COL25A1: variants seen among roughly 807,000 people sequenced by gnomAD.
COL25A1 encodes the protein collagen type XXV alpha 1 chain.
COL25A1 carries 103 observed loss-of-function variants against 128.4 expected under a neutral mutation model. That is an observed-to-expected ratio of 0.80 (90% confidence interval 0.68 to 0.94). The LOEUF is 0.94. COL25A1 is among the 40% of genes least tolerant of loss of function. The pLI, the probability that COL25A1 is intolerant of heterozygous loss-of-function variation, is 0.00. For synonymous variants in COL25A1, 279 were observed against 277.2 expected (o/e 1.01, Z -0.06); for missense variants, 745 against 840.0 (o/e 0.89, Z 1.40).
intron 3 of COL25A1, among the ~76,000 whole-genome samples, chr4:109,192,535 C>A (rs1417877411): frequency 1.3e-5 from 2 of 152,082 alleles, no homozygotes; most frequent in Admixed American, 6.5e-5. Flanking sequence ...GGGCTTTAAT[C>A]CAACTGGAGT....
At chr4:109,218,357 G>GTTTTTTTTTTGTTTGGTTTT (rs1553961829) in intron 3 of COL25A1, among the ~76,000 whole-genome samples, 3 of 73,530 alleles carry the variant, frequency 4.1e-5, no homozygotes. Context: ...GTTTTTTGGG[G>GTTTTTTTTTTGTTTGGTTTT]TTTTTTTTTT....
chr4:108,849,944 G>C (rs1163750479), intron 26 of COL25A1, among the ~76,000 whole-genome samples: 1 of 152,112 alleles, frequency 6.6e-6, no homozygotes, highest in Non-Finnish European at 1.5e-5. Context: ...CAAGAAAAGC[G>C]GCGGGGGAAG....
chr4:108,981,703 C>T (rs1011887798), intron 6 of COL25A1, among the ~76,000 whole-genome samples: 1 of 152,114 alleles, frequency 6.6e-6, no homozygotes, highest in Non-Finnish European at 1.5e-5. Context: ...TAATTAATCT[C>T]CTTGTTCCGC....
chr4:109,148,340 T>C (rs963801981), intron 3 of COL25A1, among the ~76,000 whole-genome samples: 5 of 152,224 alleles, frequency 3.3e-5, no homozygotes, highest in African/African-American at 1.2e-4. Flanking sequence ...CAATTTTACT[T>C]ACACATAGTT....
chr4:108,973,417 A>G (rs557735104), intron 8 of COL25A1, among the ~76,000 whole-genome samples: 1 of 152,238 alleles, frequency 6.6e-6, no homozygotes, highest in Non-Finnish European at 1.5e-5. Context: ...TTTAAGAAAC[A>G]TGAGGAGATA....
intron 3 of COL25A1, among the ~76,000 whole-genome samples, chr4:109,227,023 C>T (rs1578490777): frequency 1.3e-5 from 2 of 152,188 alleles, no homozygotes; most frequent in Middle Eastern, 3.4e-3. Context: ...ATCTGAAATA[C>T]CATGATGAAT....
intron 11 of COL25A1, among the ~76,000 whole-genome samples, chr4:108,921,953 C>G (rs1007983841): frequency 6.6e-6 from 1 of 152,132 alleles, no homozygotes; most frequent in Non-Finnish European, 1.5e-5. Context: ...TAAATTCCCT[C>G]AACATCTTGT....
At chr4:109,086,478 A>G (rs1764386681) in intron 3 of COL25A1, among the ~76,000 whole-genome samples, 1 of 152,146 alleles carries the variant, frequency 6.6e-6, no homozygotes. Flanking sequence ...ATCATCTTCT[A>G]TTTTTGCTTT....
chr4:109,112,330 T>C (rs1352056972), intron 3 of COL25A1, among the ~76,000 whole-genome samples: 1 of 152,232 alleles, frequency 6.6e-6, no homozygotes, highest in Non-Finnish European at 1.5e-5. Flanking sequence ...GTAAAGACAG[T>C]CTATTTTTCT....
chr4:109,206,922 CA>C (rs1280678247), intron 3 of COL25A1, among the ~76,000 whole-genome samples: 1 of 152,166 alleles, frequency 6.6e-6, no homozygotes, highest in African/African-American at 2.4e-5. Context: ...GCCTCCAACT[CA>C]ACCAAATGAA....
chr4:109,222,379 C>A (rs1424799407), intron 3 of COL25A1, among the ~76,000 whole-genome samples: 3 of 151,924 alleles, frequency 2.0e-5, no homozygotes, highest in African/African-American at 7.2e-5. Flanking sequence ...TATTCTTTAA[C>A]CTCAATTCTA....
intron 3 of COL25A1, among the ~76,000 whole-genome samples, chr4:109,057,456 A>ATTTTTTTTTTTTTTTTTT (rs1472250347): frequency 3.0e-5 from 1 of 33,254 alleles, no homozygotes; most frequent in Non-Finnish European, 5.8e-5. Context: ...TTTTTTTTGC[A>ATTTTTTTTTTTTTTTTTT]TTTTTAGTAG....
chr4:109,139,598 T>C (rs753959049), intron 3 of COL25A1, among the ~76,000 whole-genome samples: 8 of 152,168 alleles, frequency 5.3e-5, no homozygotes, highest in Non-Finnish European at 1.0e-4. Flanking sequence ...CTGTTGCTTG[T>C]TTTTGTCAGG....
At chr4:108,876,384 C>G (rs76746052) in intron 19 of COL25A1, among the ~76,000 whole-genome samples, 1 of 151,890 alleles carries the variant, frequency 6.6e-6, no homozygotes, top group African/African-American at 2.4e-5. Flanking sequence ...ATGTTCTCCT[C>G]CTTTCCACAT....
chr4:109,145,630 G>A (rs754373148), intron 3 of COL25A1, among the ~76,000 whole-genome samples: 2 of 152,080 alleles, frequency 1.3e-5, no homozygotes, highest in Non-Finnish European at 2.9e-5. Context: ...CCTGAGGTCA[G>A]GAGTTTTGAA....
chr4:109,167,653 C>T (rs559301079), intron 3 of COL25A1, among the ~76,000 whole-genome samples: 31 of 152,240 alleles, frequency 2.0e-4, no homozygotes, highest in African/African-American at 7.2e-4. Context: ...ACTTCTCTCT[C>T]CCTTGTTTTT....
chr4:108,889,135 T>G lies in COL25A1; in HGVS notation c.975+86A>C, dbSNP rs570432701. 3.0e-5 allele frequency: 36 copies of G among 1,186,652 alleles called. No individual in the cohort carries two copies. The South Asian group carries it at 4.8e-4, about 16-fold the overall frequency. 73.5% of individuals were successfully genotyped at this position (1,186,652 alleles called of 1,614,324 possible). On this transcript the variant is annotated intron_variant, in intron 18 of 37. Transcript: ENST00000399132. ...ACATGAAAACCGCATCATTTTGTAATAATTGTTTTCATATTACACAGTGGA... is the reference window on the plus strand; with the variant it reads ...ACATGAAAACCGCATCATTTTGTAAGAATTGTTTTCATATTACACAGTGGA...
chr4:109,035,676 T>C (rs1579159159), intron 5 of COL25A1, among the ~76,000 whole-genome samples: 1 of 152,016 alleles, frequency 6.6e-6, no homozygotes, highest in Non-Finnish European at 1.5e-5. Flanking sequence ...AATCCAAATT[T>C]ATTTGCCTTG....
At chr4:108,932,716 T>C (rs1370410763) in intron 11 of COL25A1, among the ~76,000 whole-genome samples, 1 of 152,186 alleles carries the variant, frequency 6.6e-6, no homozygotes, top group Non-Finnish European at 1.5e-5. Flanking sequence ...TTTCATGCTT[T>C]TGAAAATTTC....
Sources: allele counts gnomAD v4.1 joint callset (sites outside exome capture counted in the v4.1 genomes callset), GRCh38; gene constraint gnomAD v4.1.1; transcripts MANE v1.5; gene names NCBI Gene and HGNC (gene_info 2026-07-23, HGNC 2026-07-21).